Variants in LYRM4 observed in about 807,000 individuals in gnomAD.
LYRM4 encodes the protein LYR motif-containing protein 4.
Under a neutral mutation model 11.7 loss-of-function variants are expected in LYRM4, and 9 were observed. The observed-to-expected ratio is 0.77, with a 90% CI of 0.46 to 1.34. The LOEUF is 1.34. LYRM4 is among the 40% of genes most tolerant of loss of function. LYRM4 has a pLI of 0.00. For synonymous variants in LYRM4, 42 were observed against 40.4 expected, an observed-to-expected ratio of 1.04 and a Z score of -0.15; for missense variants, 133 against 112.5, an observed-to-expected ratio of 1.18 and a Z score of -0.82.
chr6:5,058,663 C>T, the LYRM4 span, among the ~76,000 whole-genome samples: 3 of 152,184 alleles, frequency 2.0e-5, no homozygotes, highest in Non-Finnish European at 4.4e-5. Flanking sequence ...CTGTGTCTGC[C>T]TCCCCTTGCT....
At chr6:5,071,780 G>A in the LYRM4 span, among the ~76,000 whole-genome samples, 2 of 152,088 alleles carry the variant, frequency 1.3e-5, no homozygotes, top group South Asian at 4.2e-4. Flanking sequence ...TGGGATTACA[G>A]GCATGCACCA....
At chr6:5,045,302 G>A in the LYRM4 span, among the ~76,000 whole-genome samples, 2 of 152,140 alleles carry the variant, frequency 1.3e-5, no homozygotes, top group African/African-American at 2.4e-5. Context: ...AGGAAGTCCC[G>A]CCACGTGCTA....
chr6:5,158,585 T>C (rs1400323748), intron 2 of LYRM4, among the ~76,000 whole-genome samples: 1 of 151,530 alleles, frequency 6.6e-6, no homozygotes, highest in Non-Finnish European at 1.5e-5. Context: ...TAAGCGATTC[T>C]CCCACTTCAG....
At chr6:5,242,803 G>A (rs1318627632) in intron 1 of LYRM4, among the ~76,000 whole-genome samples, 11 of 132,810 alleles carry the variant, frequency 8.3e-5, no homozygotes, top group Non-Finnish European at 1.7e-4. Context: ...GTCTCGCTCT[G>A]TCGCCCAGGC....
chr6:5,200,141 T>G (rs897666891), intron 2 of LYRM4, among the ~76,000 whole-genome samples: 1 of 152,196 alleles, frequency 6.6e-6, no homozygotes, highest in Non-Finnish European at 1.5e-5. Context: ...GCTATAAATA[T>G]ATAGGACACT....
chr6:5,044,777 A>C, the LYRM4 span, among the ~76,000 whole-genome samples: 1 of 152,176 alleles, frequency 6.6e-6, no homozygotes, highest in African/African-American at 2.4e-5. Context: ...TGGTGGAAGA[A>C]ACACTAGCAG....
rs186521220 is a variant in LYRM4 at position 5,131,871 on chromosome 6, A to C, written c.208-22380T>G. On this transcript the variant is annotated intron_variant, in intron 2 of 2. Transcript: ENST00000330636. ...CTTGGAAAATATGTTTTGTGAAAAG[A>C]AGCAGCAGGATACAACTCACGATTG... Among the ~76,000 whole-genome samples, 102 of 152,356 alleles carry C rather than the reference A, an allele frequency of 6.7e-4. 1 individual carries two copies. Among genetic ancestry groups the C allele is most frequent in the Middle Eastern group, 6.8e-3 (2 of 294 alleles).
the LYRM4 span, among the ~76,000 whole-genome samples, chr6:5,095,948 A>G: frequency 3.3e-5 from 5 of 152,258 alleles, no homozygotes; most frequent in Admixed American, 3.3e-4. Flanking sequence ...CAACTGCACT[A>G]CAGCCTGGGT....
In LYRM4 at chr6:5,226,656, C is replaced by T. The variant is rs950184822; in HGVS notation, c.87-9918G>A. 1.3e-4 allele frequency among the ~76,000 whole-genome samples: 20 copies of T among 152,238 alleles called. 1 individual carries two copies. The highest frequency in any genetic ancestry group is 8.5e-4 in the Admixed American group (13 of 15,298). On this transcript the variant is annotated intron_variant, in intron 1 of 2. Coordinates refer to ENST00000330636, the MANE Select transcript of LYRM4 (RefSeq NM_020408.6). ...CCTCCCAAATTGCTGGAATTAGAGGCGTGAGCCACCGCGCCTGGCCCATTG... is the reference window on the plus strand; with the variant it reads ...CCTCCCAAATTGCTGGAATTAGAGGTGTGAGCCACCGCGCCTGGCCCATTG...
chr6:5,100,531 G>A (rs533331713), downstream of LYRM4, among the ~76,000 whole-genome samples: 21 of 151,678 alleles, frequency 1.4e-4, no homozygotes, highest in Admixed American at 3.3e-4. Flanking sequence ...AAAGTACTTC[G>A]CCTACTTGGG....
chr6:5,213,165 T>C (rs1169443001), intron 2 of LYRM4, among the ~76,000 whole-genome samples: 1 of 152,214 alleles, frequency 6.6e-6, no homozygotes, highest in Non-Finnish European at 1.5e-5. Flanking sequence ...ACTTCTGAGT[T>C]TGCTCTAAGG....
At chr6:5,121,782 C>G (rs889496188) in intron 2 of LYRM4, among the ~76,000 whole-genome samples, 6 of 152,242 alleles carry the variant, frequency 3.9e-5, no homozygotes, top group Non-Finnish European at 8.8e-5. Flanking sequence ...AGCTGCATGT[C>G]TGTCCCTGAA....
chr6:5,106,361 CTTTGT>C (rs1334407710), downstream of LYRM4: 3 of 152,222 alleles, frequency 2.0e-5, no homozygotes, highest in Admixed American at 6.5e-5. Flanking sequence ...TGTTCAGGCT[CTTTGT>C]TTTAACACCT....
intron 2 of LYRM4, among the ~76,000 whole-genome samples, chr6:5,213,970 A>G (rs1161259800): frequency 1.3e-5 from 2 of 152,228 alleles, no homozygotes; most frequent in East Asian, 3.9e-4. Context: ...TTAGGCACTG[A>G]GAGGTTAAAT....
chr6:5,041,318 T>C, the LYRM4 span, among the ~76,000 whole-genome samples: 3 of 152,234 alleles, frequency 2.0e-5, no homozygotes, highest in Non-Finnish European at 4.4e-5. Flanking sequence ...AAAATCCTTC[T>C]GTTTCCCAAA....
the LYRM4 span, among the ~76,000 whole-genome samples, chr6:5,082,108 C>T: frequency 3.3e-5 from 5 of 152,218 alleles, no homozygotes; most frequent in African/African-American, 7.2e-5. Flanking sequence ...TCCTGAGTTC[C>T]GTGAGTCATA....
At chr6:5,129,080 ACCC>A (rs1444181421) in intron 2 of LYRM4, among the ~76,000 whole-genome samples, 1 of 152,112 alleles carries the variant, frequency 6.6e-6, no homozygotes, top group African/African-American at 2.4e-5. Context: ...CCCTGCCTGC[ACCC>A]CAGCTATGCT....
chr6:5,245,394 C>T (rs75040246), intron 1 of LYRM4, among the ~76,000 whole-genome samples: 4 of 151,926 alleles, frequency 2.6e-5, no homozygotes, highest in African/African-American at 4.8e-5. Context: ...ACTCAGCCAA[C>T]GGTTCTTATG....
chr6:5,049,120 G>A, the LYRM4 span, among the ~76,000 whole-genome samples: 1 of 152,106 alleles, frequency 6.6e-6, no homozygotes, highest in Non-Finnish European at 1.5e-5. Flanking sequence ...GGTAGTAAAG[G>A]TCTCATGGGC....
Sources: allele counts gnomAD v4.1 joint callset (sites outside exome capture counted in the v4.1 genomes callset), GRCh38; gene constraint gnomAD v4.1.1; transcripts MANE v1.5; gene names NCBI Gene and HGNC (gene_info 2026-07-23, HGNC 2026-07-21).